The following ASCC3 variants were observed in gnomAD, a reference collection of about 807,000 sequenced individuals.
ASCC3 encodes ASC-1 complex subunit P200.
A neutral mutation model predicts 256.3 loss-of-function variants in ASCC3; 158 were observed. That is an observed-to-expected ratio of 0.62 (90% CI 0.54 to 0.70). ASCC3 has a LOEUF of 0.70. Among genes scored for constraint, ASCC3 ranks in the 30% least tolerant of loss-of-function variants. The pLI is 0.00. For missense variants in ASCC3, 2,259 were observed against 2,626.0 expected (o/e 0.86, Z 3.05); for synonymous variants, 948 against 883.4 (o/e 1.07, Z -1.30).
At chr6:100,685,332 G>A (rs1777522881) in intron 13 of ASCC3, among the ~76,000 whole-genome samples, 1 of 152,126 alleles carries the variant, frequency 6.6e-6, no homozygotes, top group Admixed American at 6.5e-5. Flanking sequence ...AGCCATCACA[G>A]CCACTTATCT....
In ASCC3 at chr6:100,731,810, T is replaced by A. The variant is rs9689068; in HGVS notation, c.1738-6107A>T. Among the ~76,000 whole-genome samples the A allele has an allele frequency of 5.9e-5, 9 of 152,338 alleles. No individual in the cohort carries two copies. The East Asian group carries it at 1.7e-3, about 29-fold the overall frequency. On this transcript the variant is annotated intron_variant, in intron 10 of 41. Coordinates refer to ENST00000369162, the MANE Select transcript of ASCC3 (RefSeq NM_006828.4). ...TTGACAGTCACTACCTCTTACCTGCTACATTTGTAAAACCCAGTTTGAGGA... is the reference window on the plus strand; with the variant it reads ...TTGACAGTCACTACCTCTTACCTGCAACATTTGTAAAACCCAGTTTGAGGA...
At chr6:100,589,050 A>C (rs774917189) in intron 36 of ASCC3, among the ~76,000 whole-genome samples, 1 of 152,172 alleles carries the variant, frequency 6.6e-6, no homozygotes, top group Non-Finnish European at 1.5e-5. Context: ...ATGTAGAAGG[A>C]AAGGTGGACA....
chr6:100,741,723 C>G (rs1184877269), intron 10 of ASCC3, among the ~76,000 whole-genome samples: 1 of 152,170 alleles, frequency 6.6e-6, no homozygotes, highest in Admixed American at 6.5e-5. Flanking sequence ...TGTTATTCAG[C>G]TCCATGAGGT....
intron 29 of ASCC3, among the ~76,000 whole-genome samples, chr6:100,627,332 TA>T (rs1159622077): frequency 1.3e-5 from 2 of 152,162 alleles, no homozygotes; most frequent in African/African-American, 4.8e-5. Context: ...TGATTAATAT[TA>T]AGAAAACTCT....
chr6:100,599,284 C>T (rs1030501947), intron 34 of ASCC3, among the ~76,000 whole-genome samples: 2 of 152,112 alleles, frequency 1.3e-5, no homozygotes, highest in Non-Finnish European at 1.5e-5. Context: ...GCTGAATAGA[C>T]ATAATTTGAA....
chr6:100,799,390 T>A (rs758618183), intron 7 of ASCC3, 41 bp downstream of exon 7: 18 of 1,601,478 alleles, frequency 1.1e-5, no homozygotes, highest in Non-Finnish European at 1.5e-5. Flanking sequence ...TTCTTTAGAA[T>A]AGACATATTA....
intron 3 of ASCC3, chr6:100,859,152 C>T: frequency 2.6e-6 from 2 of 780,130 alleles, no homozygotes; most frequent in Non-Finnish European, 4.8e-6. Context: ...CTCATCTTCT[C>T]ATCCTCCTCT....
intron 13 of ASCC3, among the ~76,000 whole-genome samples, chr6:100,693,765 A>G (rs1286709958): frequency 6.6e-6 from 1 of 152,204 alleles, no homozygotes; most frequent in African/African-American, 2.4e-5. Context: ...TCTTTATGTA[A>G]ATTATGAGAA....
intron 10 of ASCC3, among the ~76,000 whole-genome samples, chr6:100,757,763 A>C (rs1371938602): frequency 6.6e-6 from 1 of 152,228 alleles, no homozygotes; most frequent in Non-Finnish European, 1.5e-5. Flanking sequence ...GGATAGGGAC[A>C]TCAGGAAAGA....
intron 17 of ASCC3, among the ~76,000 whole-genome samples, chr6:100,653,697 T>C (rs1046186867): frequency 6.6e-6 from 1 of 151,824 alleles, no homozygotes; most frequent in Non-Finnish European, 1.5e-5. Flanking sequence ...TATATGCAGA[T>C]GGGAGAACCC....
chr6:100,674,311 C>A (rs1776899824), intron 14 of ASCC3, among the ~76,000 whole-genome samples: 2 of 150,546 alleles, frequency 1.3e-5, no homozygotes, highest in Non-Finnish European at 3.0e-5. Context: ...GTTTGTTTAC[C>A]CACTTTATTT....
intron 36 of ASCC3, among the ~76,000 whole-genome samples, chr6:100,543,418 C>T (rs1345495308): frequency 7.9e-5 from 12 of 151,774 alleles, no homozygotes; most frequent in South Asian, 2.1e-4. Flanking sequence ...CTACCAAACA[C>T]GCACTAATAT....
intron 30 of ASCC3, among the ~76,000 whole-genome samples, chr6:100,611,866 TAA>T (rs34931211): frequency 7.6e-4 from 113 of 148,978 alleles, no homozygotes; most frequent in Non-Finnish European, 1.2e-3. Flanking sequence ...GCTATAGAAT[TAA>T]AAAAAAAAAC....
chr6:100,524,484 G>A (rs187894903), intron 37 of ASCC3, among the ~76,000 whole-genome samples: 1 of 152,098 alleles, frequency 6.6e-6, no homozygotes, highest in Non-Finnish European at 1.5e-5. Flanking sequence ...TGAGCACTGT[G>A]ATAAAATTAT....
chr6:100,793,585 G>T lies in ASCC3; in HGVS notation c.1395+5128C>A, dbSNP rs76543723. On this transcript the variant is annotated intron_variant, in intron 8 of 41. Coordinates refer to ENST00000369162, the MANE Select transcript of ASCC3 (RefSeq NM_006828.4). ...TTTAATTTACAGACATCATAGCAAA[G>T]ATGATTTCATAAATTTCATGAGGAA... 0.013 allele frequency among the ~76,000 whole-genome samples: 1,932 copies of T among 151,962 alleles called. 99 individuals carry two copies. The East Asian group carries it at 0.15, about 12-fold the overall frequency.
At chr6:100,625,987 T>A (rs904676219) in intron 29 of ASCC3, among the ~76,000 whole-genome samples, 3 of 151,882 alleles carry the variant, frequency 2.0e-5, no homozygotes, top group African/African-American at 7.3e-5. Context: ...TGAATGAGTA[T>A]CTGAGTAATG....
chr6:100,654,108 C>A (rs375332450), intron 17 of ASCC3, among the ~76,000 whole-genome samples: 41 of 152,106 alleles, frequency 2.7e-4, no homozygotes, highest in Middle Eastern at 3.4e-3. Flanking sequence ...TCAAGAGTTA[C>A]ATCAGCAAAT....
In ASCC3 at chr6:100,767,266, T is replaced by C. The variant is rs759868245; in HGVS notation, c.1475A>G (p.Asn492Ser). The C allele has an allele frequency of 2.5e-6, 4 of 1,613,948 alleles. No homozygotes were observed. Among genetic ancestry groups the C allele is most frequent in the Admixed American group, 1.7e-5 (1 of 60,004 alleles). ...SIVFETAYNT[N>S]ENMLICAPTG... ...AGGGGCACAAATCAGCATGTTCTCA[T>C]TGGTGTTGTAGGCAGTCTCAAACAC... The change falls in exon 9 of 42, where the codon AAT becomes AGT. Residue 492 changes from asparagine to serine, a missense_variant. Transcript: ENST00000369162.
chr6:100,689,938 T>C (rs1777764032), intron 13 of ASCC3, among the ~76,000 whole-genome samples: 1 of 152,134 alleles, frequency 6.6e-6, no homozygotes, highest in Non-Finnish European at 1.5e-5. Context: ...TAAGCTATTC[T>C]GAAAGATTAG....
Sources: allele counts gnomAD v4.1 joint callset (sites outside exome capture counted in the v4.1 genomes callset), GRCh38; gene constraint gnomAD v4.1.1; transcripts MANE v1.5; gene names NCBI Gene and HGNC (gene_info 2026-07-23, HGNC 2026-07-21).